Variants in LRBA observed in about 807,000 individuals in gnomAD.
LRBA encodes the protein LPS responsive beige-like anchor protein.
In LRBA, 176 loss-of-function variants were observed where a neutral mutation model predicts 330.0. The observed-to-expected ratio is 0.53, with a 90% CI of 0.47 to 0.60. LRBA has a LOEUF of 0.60. Among genes scored for constraint, LRBA ranks in the 20% least tolerant of loss-of-function variants. The pLI is 0.00. For missense variants in LRBA, 3,259 were observed against 3,444.8 expected (o/e 0.95, Z 1.35); for synonymous variants, 1,230 against 1,193.0 (o/e 1.03, Z -0.64).
At chr4:150,341,074 C>T (rs371890653) in intron 48 of LRBA, among the ~76,000 whole-genome samples, 43 of 152,104 alleles carry the variant, frequency 2.8e-4, no homozygotes, top group Admixed American at 1.7e-3. Context: ...GGTCTACTAG[C>T]GTTAGTCCAG....
chr4:150,809,285 A>G (rs1743255724), intron 31 of LRBA, among the ~76,000 whole-genome samples: 1 of 152,250 alleles, frequency 6.6e-6, no homozygotes, highest in Non-Finnish European at 1.5e-5. Flanking sequence ...ACACGGAAGC[A>G]GCAGCATCTT....
At chr4:150,700,764 T>C (rs1785044234) in intron 36 of LRBA, among the ~76,000 whole-genome samples, 1 of 151,838 alleles carries the variant, frequency 6.6e-6, no homozygotes, top group Admixed American at 6.6e-5. Flanking sequence ...TTTCCTTTTT[T>C]TTTTTTTTGA....
At chr4:150,912,677 T>C (rs1265092947) in intron 9 of LRBA, among the ~76,000 whole-genome samples, 1 of 152,080 alleles carries the variant, frequency 6.6e-6, no homozygotes, top group African/African-American at 2.4e-5. Context: ...ACCAAAAAGG[T>C]TGGGGACTGC....
chr4:150,326,824 C>T (rs1261065731), intron 48 of LRBA, among the ~76,000 whole-genome samples: 3 of 152,110 alleles, frequency 2.0e-5, no homozygotes, highest in African/African-American at 4.8e-5. Flanking sequence ...TACTTCGACA[C>T]TCCCGTAACA....
chr4:150,995,347 C>T (rs950567245), intron 2 of LRBA, among the ~76,000 whole-genome samples: 2 of 151,318 alleles, frequency 1.3e-5, no homozygotes, highest in African/African-American at 4.9e-5. Flanking sequence ...AAGAAATTCA[C>T]AAAATAATGA....
chr4:150,924,286 G>A (rs529750402), intron 4 of LRBA, among the ~76,000 whole-genome samples: 1 of 152,184 alleles, frequency 6.6e-6, no homozygotes, highest in East Asian at 1.9e-4. Flanking sequence ...CCAAGGTGGA[G>A]GGATCGCTTG....
intron 17 of LRBA, among the ~76,000 whole-genome samples, chr4:150,890,246 G>C (rs1047524334): frequency 2.0e-5 from 3 of 152,152 alleles, no homozygotes; most frequent in African/African-American, 7.2e-5. Context: ...AATGATAGAA[G>C]TATAGATCAT....
intron 56 of LRBA, among the ~76,000 whole-genome samples, chr4:150,268,091 A>AAATC (rs1745600824): frequency 6.6e-6 from 1 of 152,014 alleles, no homozygotes; most frequent in African/African-American, 2.4e-5. Context: ...CAAATTACTA[A>AAATC]AATCAGAAAT....
intron 44 of LRBA, among the ~76,000 whole-genome samples, chr4:150,463,450 C>G (rs1481627445): frequency 6.6e-6 from 1 of 151,996 alleles, no homozygotes; most frequent in South Asian, 2.1e-4. Context: ...CAAAATTACA[C>G]AAATGACATT....
chr4:150,893,522 G>C (rs540618235), intron 16 of LRBA, among the ~76,000 whole-genome samples: 5 of 151,816 alleles, frequency 3.3e-5, no homozygotes, highest in Admixed American at 6.6e-5. Flanking sequence ...GCTAATTTTT[G>C]TATTTTTGGT....
At chr4:150,986,151 T>C (rs542852546) in intron 2 of LRBA, among the ~76,000 whole-genome samples, 4 of 152,294 alleles carry the variant, frequency 2.6e-5, no homozygotes, top group South Asian at 4.1e-4. Context: ...CATCAGAATC[T>C]GAAAATTATA....
At chr4:150,556,859 A>G (rs895193458) in intron 40 of LRBA, among the ~76,000 whole-genome samples, 2 of 152,230 alleles carry the variant, frequency 1.3e-5, no homozygotes, top group Non-Finnish European at 2.9e-5. Context: ...AAAATCTGCA[A>G]TCAAAACAAG....
intron 44 of LRBA, among the ~76,000 whole-genome samples, chr4:150,455,475 C>T (rs1247808667): frequency 6.6e-6 from 1 of 151,840 alleles, no homozygotes; most frequent in African/African-American, 2.4e-5. Flanking sequence ...AGTTCATGTC[C>T]TTTGTAGGGA....
chr4:150,634,069 C>T (rs1038021677), intron 37 of LRBA, among the ~76,000 whole-genome samples: 4 of 152,080 alleles, frequency 2.6e-5, no homozygotes, highest in Admixed American at 6.5e-5. Flanking sequence ...GAACCAAGAT[C>T]GCACCATTGC....
chr4:150,485,428 A>T (rs895670439), intron 42 of LRBA, among the ~76,000 whole-genome samples: 3 of 151,978 alleles, frequency 2.0e-5, no homozygotes, highest in Non-Finnish European at 4.4e-5. Context: ...CTTAAAAGCT[A>T]TATATTGAAG....
At chr4:150,995,730 G>A (rs1742561800) in intron 2 of LRBA, among the ~76,000 whole-genome samples, 1 of 151,916 alleles carries the variant, frequency 6.6e-6, no homozygotes, top group South Asian at 2.1e-4. Flanking sequence ...GAAGAAAAGT[G>A]GGAAGAAATG....
intron 37 of LRBA, among the ~76,000 whole-genome samples, chr4:150,638,291 C>T (rs1047935626): frequency 2.0e-5 from 3 of 151,934 alleles, no homozygotes; most frequent in Admixed American, 6.6e-5. Context: ...CCTACCAAAG[C>T]GCTGGGATTA....
intron 31 of LRBA, among the ~76,000 whole-genome samples, chr4:150,813,041 T>A (rs1000334510): frequency 1.3e-5 from 2 of 151,814 alleles, no homozygotes; most frequent in African/African-American, 4.8e-5. Context: ...CCTGTAGTTC[T>A]GGCTACTTGG....
At chr4:150,809,565 C>T (rs1302228075) in intron 31 of LRBA, among the ~76,000 whole-genome samples, 2 of 152,170 alleles carry the variant, frequency 1.3e-5, no homozygotes, top group Non-Finnish European at 2.9e-5. Flanking sequence ...AAAAGAATTG[C>T]CATTTTTGGC....
Sources: allele counts gnomAD v4.1 joint callset (sites outside exome capture counted in the v4.1 genomes callset), GRCh38; gene constraint gnomAD v4.1.1; transcripts MANE v1.5; gene names NCBI Gene and HGNC (gene_info 2026-07-23, HGNC 2026-07-21).